The following CSMD1 variants were observed in gnomAD, a reference collection of about 807,000 sequenced individuals.
The protein encoded by CSMD1 is CUB and Sushi multiple domains 1, also known as CUB and sushi domain-containing protein 1.
In CSMD1, 213 loss-of-function variants were observed where a neutral mutation model predicts 417.5. The observed-to-expected ratio is 0.51, with a 90% CI of 0.46 to 0.57. The LOEUF (loss-of-function observed/expected upper bound fraction) is 0.57, where lower values mean the gene tolerates loss of function less well. Among genes scored for constraint, CSMD1 ranks in the 20% least tolerant of loss-of-function variants. CSMD1 has a pLI of 0.00. For synonymous variants in CSMD1, 2,862 were observed against 1,736.8 expected (o/e 1.65, Z -16.11); for missense variants, 6,923 against 4,529.7 (o/e 1.53, Z -15.17).
chr8:3,417,697 A>G (rs1336411198), intron 12 of CSMD1, among the ~76,000 whole-genome samples: 1 of 152,200 alleles, frequency 6.6e-6, no homozygotes, highest in East Asian at 1.9e-4. Context: ...GCAACTGACC[A>G]CACTGTGCCT....
At chr8:3,903,153 T>G (rs1807873080) in intron 5 of CSMD1, among the ~76,000 whole-genome samples, 1 of 152,156 alleles carries the variant, frequency 6.6e-6, no homozygotes, top group South Asian at 2.1e-4. Flanking sequence ...GTATGAGCTC[T>G]GCATTCCATT....
intron 5 of CSMD1, among the ~76,000 whole-genome samples, chr8:3,850,514 G>C (rs576307493): frequency 6.6e-6 from 1 of 151,984 alleles, no homozygotes; most frequent in African/African-American, 2.4e-5. Flanking sequence ...GGCCAACATG[G>C]CAAAACCCCA....
intron 5 of CSMD1, among the ~76,000 whole-genome samples, chr8:3,864,675 C>T (rs900942134): frequency 1.3e-5 from 2 of 152,022 alleles, no homozygotes; most frequent in Non-Finnish European, 2.9e-5. Context: ...AAGACACTTT[C>T]GACTGATGAA....
At chr8:3,838,206 T>C (rs1802830191) in intron 5 of CSMD1, among the ~76,000 whole-genome samples, 1 of 151,996 alleles carries the variant, frequency 6.6e-6, no homozygotes, top group Non-Finnish European at 1.5e-5. Flanking sequence ...TATGGATAGA[T>C]AACTATGACA....
intron 5 of CSMD1, among the ~76,000 whole-genome samples, chr8:3,834,396 C>A (rs1338050865): frequency 6.6e-6 from 1 of 151,998 alleles, no homozygotes; most frequent in South Asian, 2.1e-4. Context: ...ATTGTGCCTG[C>A]ACAGTAAAAC....
chr8:4,339,031 C>G (rs1296024370), intron 3 of CSMD1, among the ~76,000 whole-genome samples: 2 of 152,092 alleles, frequency 1.3e-5, no homozygotes, highest in East Asian at 3.9e-4. Flanking sequence ...GGCTCAATTG[C>G]TGTAGAGCCT....
At chr8:4,153,274 G>C (rs1796664720) in intron 3 of CSMD1, among the ~76,000 whole-genome samples, 1 of 152,194 alleles carries the variant, frequency 6.6e-6, no homozygotes, top group Admixed American at 6.5e-5. Context: ...TAAAGACAGA[G>C]TGTCCAAGTT....
intron 2 of CSMD1, among the ~76,000 whole-genome samples, chr8:4,468,962 G>A (rs1051514563): frequency 6.6e-6 from 1 of 152,116 alleles, no homozygotes; most frequent in Non-Finnish European, 1.5e-5. Context: ...ACCTTCAAGA[G>A]CATGATGTGA....
In CSMD1 at chr8:3,674,978, G is replaced by A. The variant is rs552028366; in HGVS notation, c.1009+33436C>T. Among the ~76,000 whole-genome samples the A allele has an allele frequency of 7.2e-5, 11 of 152,262 alleles. No homozygotes were observed. In the East Asian group the frequency reaches 1.9e-3, roughly 27 times the overall value. ...AAAAACATAAACAGGCACAAAAAGG[G>A]GTTAACATCAGTCTCCCTGGAAGGT... On this transcript the variant is annotated intron_variant, in intron 7 of 69. Transcript: ENST00000635120.
chr8:3,556,800 G>C (rs1041146217), intron 10 of CSMD1, among the ~76,000 whole-genome samples: 1 of 152,102 alleles, frequency 6.6e-6, no homozygotes, highest in African/African-American at 2.4e-5. Context: ...TGCCAAAAGA[G>C]GCGACCTTGG....
intron 7 of CSMD1, among the ~76,000 whole-genome samples, chr8:3,624,622 G>C (rs1796406576): frequency 6.6e-6 from 1 of 152,134 alleles, no homozygotes; most frequent in Admixed American, 6.5e-5. Flanking sequence ...TAACCATCAG[G>C]AAAGTGGTTA....
At chr8:4,934,899 T>C (rs768787964) in intron 1 of CSMD1, among the ~76,000 whole-genome samples, 17 of 152,198 alleles carry the variant, frequency 1.1e-4, no homozygotes, top group Non-Finnish European at 2.4e-4. Context: ...ATCTATCATC[T>C]ACCTATAATG....
chr8:3,415,100 C>T (rs1012738760), intron 12 of CSMD1, among the ~76,000 whole-genome samples: 6 of 152,096 alleles, frequency 3.9e-5, no homozygotes, highest in African/African-American at 7.2e-5. Flanking sequence ...GATTTTTATT[C>T]GCACTCACAT....
At position 3,026,418 on chromosome 8, in the gene CSMD1, C is replaced by A. The variant is rs535930444; in HGVS notation, c.7855+2901G>T. Reference sequence around the variant, plus strand: ...GGCCTCACTGGGCCTGACTGGACCTCACTGGACTTCACTGGGCCTCACTGG... The same window carrying A: ...GGCCTCACTGGGCCTGACTGGACCTAACTGGACTTCACTGGGCCTCACTGG... On this transcript the variant is annotated intron_variant, in intron 51 of 69. Coordinates refer to ENST00000635120, the MANE Select transcript of CSMD1 (RefSeq NM_033225.6). Among the ~76,000 whole-genome samples, 16 of 151,936 alleles carry A rather than the reference C, an allele frequency of 1.1e-4. No individual in the cohort carries two copies. In the East Asian group the frequency reaches 3.1e-3, roughly 29 times the overall value.
intron 5 of CSMD1, among the ~76,000 whole-genome samples, chr8:3,951,684 T>C (rs1221658552): frequency 6.6e-6 from 1 of 152,172 alleles, no homozygotes; most frequent in East Asian, 1.9e-4. Flanking sequence ...CATTTGCAGA[T>C]ATTTAGTTCT....
At chr8:3,063,205 G>A (rs1000788774) in intron 49 of CSMD1, among the ~76,000 whole-genome samples, 5 of 152,170 alleles carry the variant, frequency 3.3e-5, no homozygotes, top group African/African-American at 1.2e-4. Flanking sequence ...TGATAAGTGG[G>A]CTTGTTGGGC....
chr8:4,437,914 T>G (rs1442652572), intron 2 of CSMD1, among the ~76,000 whole-genome samples: 14 of 152,200 alleles, frequency 9.2e-5, no homozygotes, highest in Non-Finnish European at 1.9e-4. Flanking sequence ...GCTCTCAGGC[T>G]TGGACATCAA....
chr8:4,702,189 G>C (rs943524991), intron 1 of CSMD1, among the ~76,000 whole-genome samples: 2 of 152,122 alleles, frequency 1.3e-5, no homozygotes, highest in African/African-American at 4.8e-5. Flanking sequence ...GGGTTGACAG[G>C]TGCAGCAAAC....
intron 42 of CSMD1, 69 bp from the exon 43 acceptor site, chr8:3,110,404 G>A (rs1399959381): frequency 2.3e-6 from 3 of 1,321,610 alleles, no homozygotes; most frequent in Non-Finnish European, 3.0e-6. Context: ...CTAAATATTT[G>A]ACTCCAAAGT....
Sources: gnomAD v4.1 joint callset for allele counts (sites outside exome capture counted in the v4.1 genomes callset) on GRCh38, gnomAD v4.1.1 for gene constraint, MANE v1.5 for transcripts, NCBI Gene and HGNC (gene_info 2026-07-23, HGNC 2026-07-21) for gene names.